The following CALN1 variants were observed in gnomAD, a reference collection of about 807,000 sequenced individuals.
CALN1 encodes calcium-binding protein 8.
Under a neutral mutation model 30.6 loss-of-function variants are expected in CALN1, and 17 were observed. That is an observed-to-expected ratio of 0.56 (90% CI 0.38 to 0.83). CALN1 has a LOEUF of 0.83. Ranked by LOEUF, CALN1 falls within the 40% of genes least tolerant of loss-of-function variation. The pLI is 0.00. For synonymous variants in CALN1, 156 were observed against 131.4 expected (o/e 1.19, Z -1.28); for missense variants, 291 against 354.9 (o/e 0.82, Z 1.45).
chr7:72,322,356 A>G (rs926495229), intron 2 of CALN1, among the ~76,000 whole-genome samples: 2 of 152,184 alleles, frequency 1.3e-5, no homozygotes, highest in African/African-American at 4.8e-5. Flanking sequence ...CTGTAAATAC[A>G]GAAGCAGCAC....
intron 3 of CALN1, among the ~76,000 whole-genome samples, chr7:72,163,187 A>G (rs1305438914): frequency 6.6e-6 from 1 of 152,218 alleles, no homozygotes; most frequent in African/African-American, 2.4e-5. Flanking sequence ...CTAAGTCCCA[A>G]AACTGAGGGG....
intron 3 of CALN1, among the ~76,000 whole-genome samples, chr7:72,247,085 A>C (rs1383860060): frequency 6.6e-6 from 1 of 151,458 alleles, no homozygotes; most frequent in Non-Finnish European, 1.5e-5. Context: ...ATATAATCAC[A>C]GACAGCCCAG....
intron 5 of CALN1, among the ~76,000 whole-genome samples, chr7:71,873,639 T>C (rs1792076278): frequency 6.6e-6 from 1 of 152,152 alleles, no homozygotes. Context: ...TCACCTGCAG[T>C]GCTTGTTTAA....
intron 3 of CALN1, among the ~76,000 whole-genome samples, chr7:72,112,873 G>A (rs1584966991): frequency 6.6e-6 from 1 of 152,146 alleles, no homozygotes; most frequent in Non-Finnish European, 1.5e-5. Context: ...AAAATCCCAC[G>A]GAGGTCGAGA....
the CALN1 span, among the ~76,000 whole-genome samples, chr7:72,490,321 G>T: frequency 3.9e-5 from 6 of 152,112 alleles, no homozygotes; most frequent in African/African-American, 7.2e-5. Context: ...ACACTGTGTG[G>T]ACAAAAAGAC....
rs552727447 is a variant in CALN1 at position 72,130,555 on chromosome 7, C to T, written c.245-24261G>A. The stretch of plus-strand genomic sequence containing the variant: ...TTGCCATTAAAAGTATGGACAAAAC[C>T]GCAATTGCTTTTGCACCAACCTAAC... On this transcript the variant is annotated intron_variant, in intron 3 of 6. Transcript: ENST00000395275. Among the ~76,000 whole-genome samples the T allele has an allele frequency of 9.9e-5, 15 of 152,008 alleles. 1 individual carries two copies. In the South Asian group the frequency reaches 1.5e-3, roughly 15 times the overall value.
chr7:72,249,690 T>TACTC (rs1409420253), intron 3 of CALN1, among the ~76,000 whole-genome samples: 2 of 152,112 alleles, frequency 1.3e-5, no homozygotes, highest in African/African-American at 4.8e-5. Context: ...TAATCCCAGC[T>TACTC]ACTCAGGAGG....
intron 3 of CALN1, among the ~76,000 whole-genome samples, chr7:72,194,919 C>T (rs1790885513): frequency 6.6e-6 from 1 of 151,862 alleles, no homozygotes; most frequent in African/African-American, 2.4e-5. Flanking sequence ...CTCCACAATT[C>T]TCCCTCACTC....
At chr7:71,806,586 C>A (rs189994548) in intron 6 of CALN1, among the ~76,000 whole-genome samples, 1 of 152,194 alleles carries the variant, frequency 6.6e-6, no homozygotes, top group African/African-American at 2.4e-5. Context: ...GGATTACAGG[C>A]GTGAGCCATT....
intron 3 of CALN1, among the ~76,000 whole-genome samples, chr7:72,202,344 TATA>T (rs1791496356): frequency 6.6e-6 from 1 of 152,036 alleles, no homozygotes; most frequent in South Asian, 2.1e-4. Context: ...CCAATATAAA[TATA>T]ATAAATTTTT....
intron 5 of CALN1, among the ~76,000 whole-genome samples, chr7:71,947,950 A>G (rs1024554107): frequency 2.0e-5 from 3 of 148,894 alleles, no homozygotes; most frequent in African/African-American, 7.4e-5. Flanking sequence ...AAAAAAAAAG[A>G]AAGATGTGGA....
At chr7:72,122,074 G>A (rs1453289909) in intron 3 of CALN1, among the ~76,000 whole-genome samples, 1 of 151,886 alleles carries the variant, frequency 6.6e-6, no homozygotes, top group Non-Finnish European at 1.5e-5. Flanking sequence ...GGGAAAATTA[G>A]ACCAAATGCC....
At chr7:72,054,972 A>C in intron 4 of CALN1, among the ~76,000 whole-genome samples, 1 of 152,226 alleles carries the variant, frequency 6.6e-6, no homozygotes, top group East Asian at 1.9e-4. Context: ...AGAGACCTGG[A>C]GACTAAGATC....
At chr7:72,121,427 T>C in intron 3 of CALN1, among the ~76,000 whole-genome samples, 1 of 146,768 alleles carries the variant, frequency 6.8e-6, no homozygotes, top group African/African-American at 2.5e-5. Context: ...ATAATATAGA[T>C]ATCATGTTAT....
At chr7:71,888,567 G>T (rs190279427) in intron 5 of CALN1, among the ~76,000 whole-genome samples, 64 of 151,956 alleles carry the variant, frequency 4.2e-4, no homozygotes, top group African/African-American at 1.5e-3. Flanking sequence ...CGGCTAAAAA[G>T]TAGTCTTTGA....
intron 2 of CALN1, among the ~76,000 whole-genome samples, chr7:72,297,694 A>C (rs1798963117): frequency 1.3e-5 from 2 of 152,180 alleles, no homozygotes; most frequent in Admixed American, 6.5e-5. Flanking sequence ...CCAAAAATAC[A>C]CCTCCGTAAG....
At chr7:72,317,050 G>C (rs1345243724) in intron 2 of CALN1, among the ~76,000 whole-genome samples, 1 of 141,258 alleles carries the variant, frequency 7.1e-6, no homozygotes, top group African/African-American at 2.8e-5. Flanking sequence ...GAGAGAGAGA[G>C]AAAGAGAGAG....
intron 2 of CALN1, among the ~76,000 whole-genome samples, chr7:72,354,627 A>G (rs1168558865): frequency 2.0e-5 from 3 of 152,246 alleles, no homozygotes; most frequent in Non-Finnish European, 4.4e-5. Context: ...GATTAGGAAT[A>G]GACTCACTTG....
intron 5 of CALN1, among the ~76,000 whole-genome samples, chr7:71,926,092 G>A (rs779299961): frequency 1.3e-5 from 2 of 152,090 alleles, no homozygotes; most frequent in Non-Finnish European, 1.5e-5. Flanking sequence ...GCCTCAGTTT[G>A]GCAATAATCT....
Sources: gnomAD v4.1 joint callset for allele counts (sites outside exome capture counted in the v4.1 genomes callset) on GRCh38, gnomAD v4.1.1 for gene constraint, MANE v1.5 for transcripts, NCBI Gene and HGNC (gene_info 2026-07-23, HGNC 2026-07-21) for gene names.